EXOC7: variants seen among roughly 807,000 people sequenced by gnomAD.
EXOC7 encodes exocyst complex component Exo70.
A neutral mutation model predicts 87.6 loss-of-function variants in EXOC7; 51 were observed. The observed-to-expected ratio is 0.58, with a 90% confidence interval of 0.46 to 0.73. EXOC7 has a LOEUF of 0.73. Ranked by LOEUF, EXOC7 falls within the 30% of genes least tolerant of loss-of-function variation. EXOC7 has a pLI of 0.00. For synonymous variants in EXOC7, 327 were observed against 357.1 expected, an observed-to-expected ratio of 0.92 and a Z score of 0.95; for missense variants, 744 against 888.4, an observed-to-expected ratio of 0.84 and a Z score of 2.07.
chr17:76,090,224 CT>C, intron 7 of EXOC7: 1 of 1,347,650 alleles, frequency 7.4e-7, no homozygotes, highest in South Asian at 1.4e-5. Flanking sequence ...CTGGCCCATC[CT>C]CAGAGCAGAG....
rs2067017239 is a variant in EXOC7 at position 76,082,335 on chromosome 17, C to A, written c.*1313G>T. ...GAAGATGGCCTGAAATGGGCCAGACCCAAATTTTCATCAGCTGAGAATCTA... is the reference window on the plus strand; with the variant it reads ...GAAGATGGCCTGAAATGGGCCAGACACAAATTTTCATCAGCTGAGAATCTA... On this transcript the variant is annotated 3_prime_UTR_variant, in exon 19 of 19. Transcript: ENST00000589210. 1 of 1,081,380 alleles carries A rather than the reference C, an allele frequency of 9.2e-7. No individual in the cohort carries two copies. The highest frequency in any genetic ancestry group is 1.3e-6 in the Non-Finnish European group (1 of 763,670). 67.0% of individuals were successfully genotyped at this position (1,081,380 alleles called of 1,614,324 possible).
chr17:76,103,306 G>T, intron 2 of EXOC7, 55 bp downstream of exon 2: 1 of 1,515,946 alleles, frequency 6.6e-7, no homozygotes, highest in Non-Finnish European at 9.0e-7. Flanking sequence ...AGGTCGCAAG[G>T]CTCTCCCCCA....
chr17:76,085,580 G>A (rs550002327), intron 14 of EXOC7, 97 bp downstream of exon 14: 89 of 1,587,688 alleles, frequency 5.6e-5, no homozygotes, highest in Non-Finnish European at 6.8e-5. Flanking sequence ...CTCCCCTCTC[G>A]TCCACAAGAG....
intron 7 of EXOC7, among the ~76,000 whole-genome samples, chr17:76,090,005 G>A (rs915766928): frequency 3.3e-5 from 5 of 152,236 alleles, no homozygotes; most frequent in African/African-American, 9.6e-5. Flanking sequence ...GATGGGCTCC[G>A]AGGGGATCAG....
chr17:76,082,067 G>T lies in EXOC7; in HGVS notation c.*1581C>A. 2 of 1,585,626 alleles carry T rather than the reference G, an allele frequency of 1.3e-6. No homozygotes were observed. The highest frequency in any genetic ancestry group is 1.1e-5 in the South Asian group (1 of 88,170). ...TGCTGAAGGTGGGCAGGGGCTGGGGGGTAAGGAATGAGGCCTAGGTGCACA... is the reference window on the plus strand; with the variant it reads ...TGCTGAAGGTGGGCAGGGGCTGGGGTGTAAGGAATGAGGCCTAGGTGCACA... On this transcript the variant is annotated 3_prime_UTR_variant, in exon 19 of 19. Coordinates refer to ENST00000589210, the MANE Select transcript of EXOC7 (RefSeq NM_001013839.4).
intron 12 of EXOC7, 75 bp from the exon 13 acceptor site, chr17:76,086,220 G>T: frequency 7.2e-7 from 1 of 1,396,020 alleles, no homozygotes; most frequent in Non-Finnish European, 1.0e-6. Flanking sequence ...AGGCCATGCA[G>T]CAGTCTGAGG....
At position 76,101,376 on chromosome 17, in the gene EXOC7, G is replaced by T. The variant is rs749108722; in HGVS notation, c.312C>A (p.Gly104=). ...ASDTEKIIRE[G]PTGRLEEYLG... The stretch of plus-strand genomic sequence containing the variant: ...GGTACTCTTCCAGCCTACCTGTGGG[G>T]CTGGGAAAGAAAAGAGCCAGGTCAG... Residue 104 remains glycine (G), a splice_region_variant and synonymous_variant, in exon 4 of 19, where the codon GGC becomes GGA. Coordinates refer to ENST00000589210, the MANE Select transcript of EXOC7 (RefSeq NM_001013839.4). 1.9e-6 allele frequency: 3 copies of T among 1,614,046 alleles called. No individual in the cohort carries two copies. The highest frequency in any genetic ancestry group is 1.1e-5 in the South Asian group (1 of 91,058).
In EXOC7 at chr17:76,103,442, G is replaced by A; in HGVS notation, c.61-16C>T. 6.3e-7 allele frequency: 1 copy of A among 1,592,238 alleles called. No homozygotes were observed. Among genetic ancestry groups the A allele is most frequent in the Non-Finnish European group, 8.6e-7 (1 of 1,168,986 alleles). ...TCTCCTCCTCCTGGGGGCAGGCAAGGGGAGGACATCACCAGAAACCAGAAG... is the reference window on the plus strand; with the variant it reads ...TCTCCTCCTCCTGGGGGCAGGCAAGAGGAGGACATCACCAGAAACCAGAAG... On this transcript the variant is annotated splice_polypyrimidine_tract_variant and intron_variant, in intron 1 of 18. Transcript: ENST00000589210.
In EXOC7 at chr17:76,088,136, G is replaced by C; in HGVS notation, c.1300-14C>G. On this transcript the variant is annotated splice_polypyrimidine_tract_variant and intron_variant, in intron 10 of 18. Coordinates refer to ENST00000589210, the MANE Select transcript of EXOC7 (RefSeq NM_001013839.4). ...GTCCGGGTCATTCTGTGGAAAAACA[G>C]CCTCTGGTTCCCTGAAGCAGCCCCC... 1 of 1,613,536 alleles carries C rather than the reference G, an allele frequency of 6.2e-7. No homozygotes were observed. Among genetic ancestry groups the C allele is most frequent in the Non-Finnish European group, 8.5e-7 (1 of 1,179,792 alleles).
chr17:76,085,722 A>G lies in EXOC7; in HGVS notation c.1571T>C (p.Ile524Thr). The G allele has an allele frequency of 6.2e-7, 1 of 1,614,100 alleles. No homozygotes were observed. Among genetic ancestry groups the G allele is most frequent in the Non-Finnish European group, 8.5e-7 (1 of 1,180,008 alleles). ...GTAATTGTAGTTGTTGTGCAGGAAG[A>G]TGGCGCTCAGAGCTGGGTCCTCGTA... ...KVYEDPALSA[I>T]FLHNNYNYIL... The change falls in exon 14 of 19, where the codon ATC becomes ACC. Residue 524 changes from isoleucine (I) to threonine (T), a missense_variant. Ile to Thr is a moderately conservative substitution (Grantham distance 89). Around this residue, in one of 3 missense-constraint regions of EXOC7, gnomAD observed 228 missense variants for 298.6 expected, o/e 0.76. Transcript: ENST00000589210.
chr17:76,094,276 C>T (rs181896040), intron 6 of EXOC7, 138 bp downstream of exon 6: 1 of 893,166 alleles, frequency 1.1e-6, no homozygotes, highest in Non-Finnish European at 1.6e-6. Context: ...TGCTTTCTGT[C>T]CTGTGTACCT....
intron 6 of EXOC7, 24 bp downstream of exon 6, chr17:76,094,390 A>G (rs766893307): frequency 6.2e-6 from 10 of 1,603,130 alleles, no homozygotes; most frequent in Non-Finnish European, 7.7e-6. Context: ...GCTGTTGCAG[A>G]GATGGGCCAG....
chr17:76,087,359 A>G, intron 12 of EXOC7: 1 of 479,172 alleles, frequency 2.1e-6, no homozygotes, highest in Non-Finnish European at 3.7e-6. Flanking sequence ...GGAGGGGGGC[A>G]GGGGCAGAAA....
chr17:76,082,043 G>C lies in EXOC7; in HGVS notation c.*1605C>G. Reference sequence around the variant, plus strand: ...GCACGGCAACCCAGGGCCTCATCCTGCTGAAGGTGGGCAGGGGCTGGGGGG... The same window carrying C: ...GCACGGCAACCCAGGGCCTCATCCTCCTGAAGGTGGGCAGGGGCTGGGGGG... On this transcript the variant is annotated 3_prime_UTR_variant, in exon 19 of 19. Transcript: ENST00000589210. 1.2e-6 allele frequency: 2 copies of C among 1,606,828 alleles called. No individual in the cohort carries two copies. The highest frequency in any genetic ancestry group is 1.7e-6 in the Non-Finnish European group (2 of 1,177,394).
intron 7 of EXOC7, chr17:76,090,881 C>G (rs984263207): frequency 1.8e-6 from 1 of 556,420 alleles, no homozygotes; most frequent in Middle Eastern, 4.8e-4. Flanking sequence ...TGAGTTCACA[C>G]AGGAGACAAG....
At chr17:76,089,552 A>G in intron 7 of EXOC7, 1 of 577,522 alleles carries the variant, frequency 1.7e-6, no homozygotes, top group East Asian at 2.9e-5. Context: ...GGCTCTGCGC[A>G]GACAGTGGGA....
chr17:76,090,604 C>T, intron 7 of EXOC7: 1 of 888,292 alleles, frequency 1.1e-6, no homozygotes, highest in Admixed American at 2.5e-5. Flanking sequence ...CTTCAGTGAG[C>T]ACCCAGGACC....
chr17:76,086,038 T>A, intron 13 of EXOC7, 42 bp downstream of exon 13: 1 of 1,604,474 alleles, frequency 6.2e-7, no homozygotes. Context: ...AGGCAGGGCA[T>A]GCAGGCAGCA....
rs751463301 is a variant in EXOC7 at position 76,081,935 on chromosome 17, G to A, written c.*1713C>T. 16 of 1,613,370 alleles carry A rather than the reference G, an allele frequency of 9.9e-6. No individual in the cohort carries two copies. In the Admixed American group the frequency reaches 1.0e-4, roughly 10 times the overall value. ...GCTCTTCCTCAGCACCATAGAGACT[G>A]TGCTGCTGGCTGGGCTGCTGGCCCG... On this transcript the variant is annotated 3_prime_UTR_variant, in exon 19 of 19. Transcript: ENST00000589210.
Sources: gnomAD v4.1 joint callset for allele counts (sites outside exome capture counted in the v4.1 genomes callset) on GRCh38, gnomAD v4.1.1 for gene constraint, gnomAD v4.1.1 regional missense constraint, MANE v1.5 for transcripts, NCBI Gene and HGNC (gene_info 2026-07-23, HGNC 2026-07-21) for gene names.